Variants in IQCH observed in about 807,000 individuals in gnomAD.
The protein encoded by IQCH is IQ motif containing H, also known as IQ domain-containing protein H.
In IQCH, 98 loss-of-function variants were observed where a neutral mutation model predicts 117.0. That is an observed-to-expected ratio of 0.84 (90% confidence interval 0.71 to 0.99). The LOEUF (loss-of-function observed/expected upper bound fraction) is 0.99. Ranked by LOEUF, IQCH falls within the 50% of genes least tolerant of loss-of-function variation. The pLI is 0.00. For synonymous variants in IQCH, 412 were observed against 448.2 expected (o/e 0.92, Z 1.02); for missense variants, 1,102 against 1,243.8 (o/e 0.89, Z 1.72).
intron 10 of IQCH, among the ~76,000 whole-genome samples, chr15:67,383,802 CTCTT>C (rs943318765): frequency 6.6e-6 from 1 of 152,178 alleles, no homozygotes; most frequent in African/African-American, 2.4e-5. Context: ...TTCTGCCTCT[CTCTT>C]TAATTCTTAA....
intron 20 of IQCH, among the ~76,000 whole-genome samples, chr15:67,497,943 C>G (rs749950596): frequency 2.0e-4 from 31 of 152,300 alleles, no homozygotes; most frequent in Non-Finnish European, 3.7e-4. Flanking sequence ...CCAAATTGAT[C>G]TATAGATTCA....
chr15:67,383,589 T>C (rs1425268340), intron 10 of IQCH, among the ~76,000 whole-genome samples: 1 of 152,214 alleles, frequency 6.6e-6, no homozygotes, highest in East Asian at 1.9e-4. Flanking sequence ...TGCTATATGT[T>C]ATCCACAATA....
rs1036847701 is a variant in IQCH at position 67,416,218 on chromosome 15, A to C, written c.2098-713A>C. On this transcript the variant is annotated intron_variant, in intron 14 of 20. Transcript: ENST00000335894. This position sits in a 1 kb window ranked among gnomAD's most constrained non-coding sequence, Gnocchi z 5.1. ...ACCAACATGGTGAAACCCTATCTCT[A>C]CTAAAAATACAAAATTAGGCTGGGC... 6.6e-6 allele frequency among the ~76,000 whole-genome samples: 1 copy of C among 152,084 alleles called. No individual in the cohort carries two copies. The highest frequency in any genetic ancestry group is 1.5e-5 in the Non-Finnish European group (1 of 67,996).
chr15:67,268,568 C>G (rs1371417012), intron 3 of IQCH, among the ~76,000 whole-genome samples: 1 of 152,104 alleles, frequency 6.6e-6, no homozygotes, highest in Non-Finnish European at 1.5e-5. Flanking sequence ...TATGTTCGCT[C>G]TGTTGTGCTA....
chr15:67,335,377 A>G (rs1282257336), intron 4 of IQCH, among the ~76,000 whole-genome samples: 3 of 152,194 alleles, frequency 2.0e-5, no homozygotes, highest in South Asian at 2.1e-4. Context: ...TGCCAAACCT[A>G]TATTTTACAT....
At chr15:67,289,811 A>G (rs529301918) in intron 4 of IQCH, among the ~76,000 whole-genome samples, 1 of 152,284 alleles carries the variant, frequency 6.6e-6, no homozygotes, top group South Asian at 2.1e-4. Context: ...TGAGTAATGT[A>G]GTTGAAGTTT....
chr15:67,410,737 G>T (rs894813504), intron 14 of IQCH, among the ~76,000 whole-genome samples: 4 of 152,202 alleles, frequency 2.6e-5, no homozygotes. Flanking sequence ...TTATTACCCT[G>T]AAAGAGGGGA....
chr15:67,293,841 G>T (rs1037152461), intron 4 of IQCH, among the ~76,000 whole-genome samples: 1 of 152,176 alleles, frequency 6.6e-6, no homozygotes, highest in Non-Finnish European at 1.5e-5. Flanking sequence ...TTATGAGTGT[G>T]AATAGCAAAG....
intron 4 of IQCH, among the ~76,000 whole-genome samples, chr15:67,283,075 C>T (rs74442732): frequency 0.023 from 3,483 of 152,032 alleles, 150 homozygotes; most frequent in African/African-American, 0.081. Flanking sequence ...TGATAACTGG[C>T]GAAATCAATA....
chr15:67,500,834 A>G lies in IQCH; in HGVS notation c.*88A>G. 6.3e-6 allele frequency: 4 copies of G among 639,710 alleles called. No individual in the cohort carries two copies. The allele number at this position is 639,710 out of a possible 1,614,324, so 39.6% of individuals were successfully genotyped here. A position where few individuals can be genotyped will look rare whatever the true frequency, so the allele number is the denominator to read the frequency against. Reference sequence around the variant, plus strand: ...TCTGTTAGAAATAAAAGCCAGGGGAAATTGGTTTGCTTTGTGTGCTAGGAG... The same window carrying G: ...TCTGTTAGAAATAAAAGCCAGGGGAGATTGGTTTGCTTTGTGTGCTAGGAG... On this transcript the variant is annotated 3_prime_UTR_variant, in exon 21 of 21. Transcript: ENST00000335894. The surrounding 1 kb of genome is among the most constrained non-coding windows in gnomAD (Gnocchi z 4.4).
At chr15:67,492,104 C>T (rs925875375) in intron 19 of IQCH, among the ~76,000 whole-genome samples, 2 of 152,032 alleles carry the variant, frequency 1.3e-5, no homozygotes, top group African/African-American at 2.4e-5. Context: ...CGGGAATTAC[C>T]GGGACTAGGA....
At chr15:67,299,078 C>CAA (rs36031731) in intron 4 of IQCH, among the ~76,000 whole-genome samples, 26 of 107,054 alleles carry the variant, frequency 2.4e-4, no homozygotes, top group South Asian at 1.1e-3. Flanking sequence ...TATATTCAGC[C>CAA]AAAAAAAAAA....
intron 4 of IQCH, among the ~76,000 whole-genome samples, chr15:67,320,411 A>C (rs909519427): frequency 2.0e-5 from 3 of 152,208 alleles, no homozygotes; most frequent in African/African-American, 7.2e-5. Flanking sequence ...ATTTCTTCTC[A>C]TGTGGTATCA....
intron 1 of IQCH, among the ~76,000 whole-genome samples, chr15:67,260,822 G>A (rs1036965037): frequency 1.2e-4 from 19 of 152,042 alleles, no homozygotes; most frequent in African/African-American, 3.9e-4. Flanking sequence ...ACCAGGCCAG[G>A]CATGGTGGCT....
chr15:67,465,523 A>G lies in IQCH; in HGVS notation c.2676+226A>G, dbSNP rs2082908965. ...GCCATCTGTGGAAATGCGAAAGAGC[A>G]TGGGGCTCTCCTCCCCTTTTTCTAG... On this transcript the variant is annotated intron_variant, in intron 17 of 20. Transcript: ENST00000335894. This position sits in a 1 kb window ranked among gnomAD's most constrained non-coding sequence, Gnocchi z 5.9. 6.6e-6 allele frequency among the ~76,000 whole-genome samples: 1 copy of G among 152,124 alleles called. No homozygotes were observed. The highest frequency in any genetic ancestry group is 6.5e-5 in the Admixed American group (1 of 15,274).
At position 67,304,978 on chromosome 15, in the gene IQCH, A is replaced by T. The variant is rs997045014; in HGVS notation, c.387+25466A>T. ...GTAGATCTGCAGTAAGAGATCTCAG[A>T]GTCAATGCCATTTTTGCCATTGACT... On this transcript the variant is annotated intron_variant, in intron 4 of 20. Coordinates refer to ENST00000335894, the MANE Select transcript of IQCH (RefSeq NM_001031715.3). Among the ~76,000 whole-genome samples the T allele has an allele frequency of 4.0e-5, 6 of 151,820 alleles. No individual in the cohort carries two copies. In the South Asian group the frequency reaches 1.3e-3, roughly 32 times the overall value.
intron 4 of IQCH, among the ~76,000 whole-genome samples, chr15:67,318,268 TCTC>T (rs1246594663): frequency 6.6e-6 from 1 of 152,112 alleles, no homozygotes; most frequent in African/African-American, 2.4e-5. Context: ...TCTCTTTCTT[TCTC>T]TTCTCCCTCT....
In IQCH at chr15:67,453,411, T is replaced by C. The variant is rs1011156601; in HGVS notation, c.2506-11716T>C. The stretch of plus-strand genomic sequence containing the variant: ...CGTACAGATGGGTTTTTGGTGTAGA[T>C]GTCCTTTCTGTTTGTTAGTTTTCCT... On this transcript the variant is annotated intron_variant, in intron 16 of 20. Transcript: ENST00000335894. The surrounding 1 kb of genome is among the most constrained non-coding windows in gnomAD (Gnocchi z 5.8). 6.6e-6 allele frequency among the ~76,000 whole-genome samples: 1 copy of C among 152,186 alleles called. No individual in the cohort carries two copies. Among genetic ancestry groups the C allele is most frequent in the Non-Finnish European group, 1.5e-5 (1 of 68,012 alleles).
intron 4 of IQCH, among the ~76,000 whole-genome samples, chr15:67,324,262 G>A (rs1040438954): frequency 6.8e-6 from 1 of 147,724 alleles, no homozygotes; most frequent in Non-Finnish European, 1.5e-5. Flanking sequence ...TTTCTTAAAA[G>A]AAAGCTCATG....
Sources: gnomAD v4.1 joint callset for allele counts (sites outside exome capture counted in the v4.1 genomes callset) on GRCh38, gnomAD v4.1.1 for gene constraint, Gnocchi (gnomAD v3.1) non-coding constraint, MANE v1.5 for transcripts, NCBI Gene and HGNC (gene_info 2026-07-23, HGNC 2026-07-21) for gene names.